ELMO1: variants seen among roughly 807,000 people sequenced by gnomAD.
ELMO1 encodes the protein engulfment and cell motility protein 1.
Under a neutral mutation model 98.9 loss-of-function variants are expected in ELMO1, and 26 were observed. The observed-to-expected ratio is 0.26, with a 90% CI of 0.19 to 0.36. The LOEUF is 0.36. Among genes scored for constraint, ELMO1 ranks in the 10% least tolerant of loss-of-function variants. The pLI is 1.00. For missense variants in ELMO1, 627 were observed against 935.2 expected, an observed-to-expected ratio of 0.67 and a Z score of 4.30; for synonymous variants, 346 against 346.0, an observed-to-expected ratio of 1.00 and a Z score of 0.00.
At chr7:37,090,160 G>C (rs542671102) in intron 15 of ELMO1, among the ~76,000 whole-genome samples, 3 of 129,334 alleles carry the variant, frequency 2.3e-5, no homozygotes, top group Non-Finnish European at 5.2e-5. Flanking sequence ...TGACATCACC[G>C]GACAGGTATG....
intron 2 of ELMO1, among the ~76,000 whole-genome samples, chr7:37,335,294 G>A (rs1467456366): frequency 6.6e-6 from 1 of 152,132 alleles, no homozygotes; most frequent in South Asian, 2.1e-4. Context: ...TAGAGAGCTG[G>A]GAGAAGGCAG....
chr7:37,347,084 G>C (rs1354831197), intron 1 of ELMO1, among the ~76,000 whole-genome samples: 2 of 152,128 alleles, frequency 1.3e-5, no homozygotes, highest in African/African-American at 4.8e-5. Context: ...AGAAAGGGAG[G>C]GGGGCATAGC....
At chr7:37,381,533 A>G (rs1001693225) in intron 1 of ELMO1, among the ~76,000 whole-genome samples, 1 of 152,274 alleles carries the variant, frequency 6.6e-6, no homozygotes, top group Non-Finnish European at 1.5e-5. Flanking sequence ...GTGACAATTC[A>G]CAAGGCAATC....
chr7:37,322,340 A>AT (rs1799563600), intron 2 of ELMO1, among the ~76,000 whole-genome samples: 1 of 151,942 alleles, frequency 6.6e-6, no homozygotes, highest in Non-Finnish European at 1.5e-5. Context: ...TAAAGGCTGG[A>AT]TGTGGTGGCT....
intron 15 of ELMO1, among the ~76,000 whole-genome samples, chr7:37,073,165 G>C (rs927405832): frequency 6.6e-6 from 1 of 152,096 alleles, no homozygotes; most frequent in African/African-American, 2.4e-5. Flanking sequence ...TAAAAATTTG[G>C]AAACAATCTC....
chr7:37,004,710 C>T (rs1033100693), intron 16 of ELMO1, among the ~76,000 whole-genome samples: 6 of 152,184 alleles, frequency 3.9e-5, no homozygotes, highest in African/African-American at 7.2e-5. Context: ...TTTATAAATG[C>T]TCCTGTTATA....
At chr7:37,023,081 G>C (rs1794367118) in intron 15 of ELMO1, among the ~76,000 whole-genome samples, 1 of 152,180 alleles carries the variant, frequency 6.6e-6, no homozygotes, top group Non-Finnish European at 1.5e-5. Context: ...AATGCAAACA[G>C]GGTATTGGTT....
chr7:37,185,711 A>C (rs1791161871), intron 13 of ELMO1, among the ~76,000 whole-genome samples: 1 of 152,248 alleles, frequency 6.6e-6, no homozygotes, highest in African/African-American at 2.4e-5. Context: ...TCTACTTATA[A>C]TAGCATACAA....
intron 16 of ELMO1, among the ~76,000 whole-genome samples, chr7:36,935,319 C>A (rs921988073): frequency 6.6e-6 from 1 of 152,120 alleles, no homozygotes; most frequent in African/African-American, 2.4e-5. Flanking sequence ...ACTGTGAGTC[C>A]ATTAAACCTC....
intron 16 of ELMO1, among the ~76,000 whole-genome samples, chr7:36,955,036 C>A (rs1196522026): frequency 1.3e-5 from 2 of 152,174 alleles, no homozygotes; most frequent in Non-Finnish European, 2.9e-5. Context: ...GGACTATCAG[C>A]TCCCATTTCT....
At chr7:36,919,213 T>C (rs922707579) in intron 16 of ELMO1, 9 of 296,044 alleles carry the variant, frequency 3.0e-5, no homozygotes, top group African/African-American at 1.9e-4. Context: ...AATGTCACTA[T>C]GTGCTCCATG....
intron 4 of ELMO1, among the ~76,000 whole-genome samples, chr7:37,310,609 T>A (rs567669861): frequency 6.6e-6 from 1 of 152,218 alleles, no homozygotes; most frequent in African/African-American, 2.4e-5. Flanking sequence ...CCAGTGTTCA[T>A]AGTCTGTAAC....
intron 16 of ELMO1, among the ~76,000 whole-genome samples, chr7:36,931,000 A>G (rs777016157): frequency 6.6e-6 from 1 of 152,150 alleles, no homozygotes; most frequent in African/African-American, 2.4e-5. Context: ...TTTCTTTCCT[A>G]TTACACTTCA....
At chr7:37,310,248 G>A (rs1562602262) in intron 4 of ELMO1, among the ~76,000 whole-genome samples, 1 of 152,240 alleles carries the variant, frequency 6.6e-6, no homozygotes, top group Non-Finnish European at 1.5e-5. Context: ...ATACATGCTA[G>A]AGTAGGTCTC....
chr7:37,111,189 A>T (rs533031521), intron 14 of ELMO1, among the ~76,000 whole-genome samples: 19 of 152,300 alleles, frequency 1.2e-4, no homozygotes, highest in Non-Finnish European at 2.8e-4. Context: ...GAGAGTCAGT[A>T]AGAGAGTGTT....
intron 16 of ELMO1, chr7:36,986,006 C>G (rs1791477951): frequency 2.0e-6 from 2 of 1,002,664 alleles, no homozygotes; most frequent in South Asian, 9.4e-5. Flanking sequence ...AGTCGTCCCC[C>G]TGAAGAACAA....
rs6150082 is a variant in ELMO1, at chr7:37,161,905, AATATATATAT to A, written c.1087-28681_1087-28672del. Reference sequence around the variant, plus strand: ...ATTATAGAAAGCCTTCAGGTAATCAAATATATATATATATATATATATATATATATGTTAA... The same window carrying A: ...ATTATAGAAAGCCTTCAGGTAATCAAATATATATATATATATATATGTTAA... On this transcript the variant is annotated intron_variant, in intron 13 of 21. Coordinates refer to ENST00000310758, the MANE Select transcript of ELMO1 (RefSeq NM_014800.11). Among the ~76,000 whole-genome samples, 115 of 42,436 alleles carry A rather than the reference AATATATATAT, an allele frequency of 2.7e-3. 13 individuals carry two copies. Among genetic ancestry groups the A allele is most frequent in the South Asian group, 0.023 (25 of 1,086 alleles). The allele number at this position is 42,436 out of a possible 152,430, so 27.8% of individuals were successfully genotyped here.
chr7:37,090,193 C>T (rs996180207), intron 15 of ELMO1, among the ~76,000 whole-genome samples: 2 of 152,180 alleles, frequency 1.3e-5, no homozygotes, highest in African/African-American at 4.8e-5. Context: ...AGGATCTACA[C>T]AACTCTGGAC....
At chr7:37,216,488 A>G (rs1793290375) in intron 11 of ELMO1, among the ~76,000 whole-genome samples, 157 bp downstream of exon 11, 1 of 152,094 alleles carries the variant, frequency 6.6e-6, no homozygotes, top group Non-Finnish European at 1.5e-5. Flanking sequence ...ATTTATTCCA[A>G]TTCCAAAAAC....
Sources: allele counts gnomAD v4.1 joint callset (sites outside exome capture counted in the v4.1 genomes callset), GRCh38; gene constraint gnomAD v4.1.1; transcripts MANE v1.5; gene names NCBI Gene and HGNC (gene_info 2026-07-23, HGNC 2026-07-21).